The following ACAP1 variants were observed in gnomAD, a reference collection of about 807,000 sequenced individuals.
ACAP1 encodes the protein ArfGAP with coiled-coil, ankyrin repeat and PH domains 1, also known as arf-GAP with coiled-coil, ANK repeat and PH domain-containing protein 1.
In ACAP1, 45 loss-of-function variants were observed where a neutral mutation model predicts 98.8. That is an observed-to-expected ratio of 0.46 (90% CI 0.36 to 0.58). ACAP1 has a LOEUF of 0.58. Among genes scored for constraint, ACAP1 ranks in the 20% least tolerant of loss-of-function variants. The pLI is 0.00. For synonymous variants in ACAP1, 362 were observed against 375.3 expected, an observed-to-expected ratio of 0.96 and a Z score of 0.41; for missense variants, 735 against 971.4, an observed-to-expected ratio of 0.76 and a Z score of 3.24.
At chr17:7,347,309 G>A (rs938757050) in intron 14 of ACAP1, 67 bp downstream of exon 14, 34 of 1,389,906 alleles carry the variant, frequency 2.4e-5, no homozygotes, top group African/African-American at 1.1e-4. Flanking sequence ...AATACAGAGC[G>A]CATCACACCG....
chr17:7,338,397 G>T (rs764694477), intron 2 of ACAP1, among the ~76,000 whole-genome samples: 4 of 151,924 alleles, frequency 2.6e-5, no homozygotes, highest in Non-Finnish European at 5.9e-5. Flanking sequence ...GGGATTACAG[G>T]TGTGCACCAC....
chr17:7,350,560 G>C lies in ACAP1; in HGVS notation c.2072+323G>C, dbSNP rs1299243551. On this transcript the variant is annotated intron_variant, in intron 20 of 21. Coordinates refer to ENST00000158762, the MANE Select transcript of ACAP1 (RefSeq NM_014716.4). The surrounding 1 kb of genome is among the most constrained non-coding windows in gnomAD (Gnocchi z 4.6). ...CCCCGGGGGTGGGGGCAGATGAACGGAACGCAACCCAGCTCAAAGGATGGG... is the reference window on the plus strand; with the variant it reads ...CCCCGGGGGTGGGGGCAGATGAACGCAACGCAACCCAGCTCAAAGGATGGG... 1 of 457,572 alleles carries C rather than the reference G, an allele frequency of 2.2e-6. No homozygotes were observed. Among genetic ancestry groups the C allele is most frequent in the East Asian group, 4.2e-5 (1 of 23,928 alleles). The allele number at this position is 457,572 out of a possible 1,614,324, so 28.3% of individuals were successfully genotyped here. A position where few individuals can be genotyped will look rare whatever the true frequency, so the allele number is the denominator to read the frequency against.
chr17:7,347,853 GAGC>G (rs1237965206), intron 14 of ACAP1, 66 bp from the exon 15 acceptor site: 5 of 1,381,488 alleles, frequency 3.6e-6, no homozygotes, highest in Non-Finnish European at 3.1e-6. Context: ...GTGTCTTCAG[GAGC>G]AGCAGCAGCT....
chr17:7,344,677 G>C lies in ACAP1; in HGVS notation c.854+29G>C. On this transcript the variant is annotated intron_variant, in intron 10 of 21. Coordinates refer to ENST00000158762, the MANE Select transcript of ACAP1 (RefSeq NM_014716.4). This position sits in a 1 kb window ranked among gnomAD's most constrained non-coding sequence, Gnocchi z 4.9. ...AGGAGAGGACACCCCCAATCAGCCC[G>C]CCCCACCCAATGATGTATTTTCGAG... The C allele has an allele frequency of 1.3e-6, 2 of 1,489,398 alleles. No homozygotes were observed. Among genetic ancestry groups the C allele is most frequent in the Non-Finnish European group, 1.8e-6 (2 of 1,090,732 alleles). The allele number at this position is 1,489,398 out of a possible 1,614,324, so 92.3% of individuals were successfully genotyped here. A position where few individuals can be genotyped will look rare whatever the true frequency, so the allele number is the denominator to read the frequency against.
Position 7,348,429 on chromosome 17 carries a change from A to G in ACAP1, c.1632A>G (p.Pro544=). Residue 544 remains proline (P), a synonymous_variant, in exon 17 of 22, where the codon CCA becomes CCG. Coordinates refer to ENST00000158762, the MANE Select transcript of ACAP1 (RefSeq NM_014716.4). ...CAAGGGGGCAGCCTCCTGTGCCCCC[A>G]AAGCCTTCCATCAGGCCCCGGCCAG... is the stretch of plus-strand genomic sequence containing the variant. The part of the protein sequence containing the change: ...GRPRGQPPVP[P]KPSIRPRPGS... 6.6e-7 allele frequency: 1 copy of G among 1,508,848 alleles called. No individual in the cohort carries two copies. Among genetic ancestry groups the G allele is most frequent in the Non-Finnish European group, 8.8e-7 (1 of 1,130,432 alleles). The allele number at this position is 1,508,848 out of a possible 1,614,324, so 93.5% of individuals were successfully genotyped here.
Position 7,343,623 on chromosome 17 carries a change from G to A in ACAP1, c.528+61G>A. ...GCCTCAAGTGTCACCTCGAGGCTTGGGGGTCTCCAGTGTGCAGTGGGAAGG... is the reference window on the plus strand; with the variant it reads ...GCCTCAAGTGTCACCTCGAGGCTTGAGGGTCTCCAGTGTGCAGTGGGAAGG... On this transcript the variant is annotated intron_variant, in intron 6 of 21. Transcript: ENST00000158762. This position sits in a 1 kb window ranked among gnomAD's most constrained non-coding sequence, Gnocchi z 4.9. 1 of 1,594,782 alleles carries A rather than the reference G, an allele frequency of 6.3e-7. No homozygotes were observed. Among genetic ancestry groups the A allele is most frequent in the South Asian group, 1.1e-5 (1 of 88,554 alleles).
intron 2 of ACAP1, among the ~76,000 whole-genome samples, chr17:7,337,880 T>C (rs1246873373): frequency 6.6e-6 from 1 of 151,618 alleles, no homozygotes; most frequent in East Asian, 2.0e-4. Context: ...AATTTTGGAC[T>C]TCCTTGTTCT....
Position 7,350,384 on chromosome 17 carries a change from G to C in ACAP1, c.2072+147G>C. 1.5e-6 allele frequency: 1 copy of C among 670,886 alleles called. No individual in the cohort carries two copies. 41.6% of individuals were successfully genotyped at this position (670,886 alleles called of 1,614,324 possible). ...GGGGCTGGGCCAGCGCCGGGGCCAG[G>C]CTCGAGAAAGGCTGCGCGAAGTGTG... is the stretch of plus-strand genomic sequence containing the variant. On this transcript the variant is annotated intron_variant, in intron 20 of 21. Transcript: ENST00000158762. This position sits in a 1 kb window ranked among gnomAD's most constrained non-coding sequence, Gnocchi z 4.6.
At position 7,341,999 on chromosome 17, in the gene ACAP1, G is replaced by T. The variant is rs771298647; in HGVS notation, c.163G>T (p.Ala55Ser). The change falls in exon 3 of 22, where the codon GCC becomes TCC. Residue 55 changes from alanine to serine, a missense_variant. By Grantham distance (99) the Ala-to-Ser change is moderately conservative. Coordinates refer to ENST00000158762, the MANE Select transcript of ACAP1 (RefSeq NM_014716.4). ...LLESGRHYLAASRAFVVGICD... is the reference protein window; with the variant it reads ...LLESGRHYLASSRAFVVGICD... Reference sequence around the variant, plus strand: ...GGAAAGTGGGCGCCATTACCTTGCTGCCAGCCGCGCCTTCGTTGTCGGCAT... The same window carrying T: ...GGAAAGTGGGCGCCATTACCTTGCTTCCAGCCGCGCCTTCGTTGTCGGCAT... The T allele has an allele frequency of 1.9e-6, 3 of 1,614,052 alleles. No individual in the cohort carries two copies. The highest frequency in any genetic ancestry group is 4.5e-5 in the East Asian group (2 of 44,878).
At chr17:7,342,124 G>T in intron 3 of ACAP1, 57 bp downstream of exon 3, 1 of 1,609,270 alleles carries the variant, frequency 6.2e-7, no homozygotes. Context: ...AGGTGATGCT[G>T]TGGAAGAGGA....
intron 2 of ACAP1, among the ~76,000 whole-genome samples, chr17:7,337,853 C>CA (rs575781344): frequency 1.6e-3 from 230 of 143,886 alleles, no homozygotes; most frequent in African/African-American, 3.8e-3. Flanking sequence ...GACTCTGTGT[C>CA]AAAAAAAAAA....
chr17:7,350,636 T>C lies in ACAP1; in HGVS notation c.2073-314T>C, dbSNP rs1451214373. 2.8e-6 allele frequency: 1 copy of C among 362,736 alleles called. No individual in the cohort carries two copies. The highest frequency in any genetic ancestry group is 5.0e-6 in the Non-Finnish European group (1 of 200,816). 22.5% of individuals were successfully genotyped at this position (362,736 alleles called of 1,614,324 possible). A position where few individuals can be genotyped will look rare whatever the true frequency, so the allele number is the denominator to read the frequency against. On this transcript the variant is annotated intron_variant, in intron 20 of 21. Transcript: ENST00000158762. This position sits in a 1 kb window ranked among gnomAD's most constrained non-coding sequence, Gnocchi z 4.6. ...CTTTTTTTTTTTTTTTGAGACGGAG[T>C]CTCACTCTGTCGCCCAGGCTAGAGT...
chr17:7,336,918 A>C (rs1229387639), intron 1 of ACAP1, 131 bp downstream of exon 1: 3 of 938,290 alleles, frequency 3.2e-6, no homozygotes, highest in African/African-American at 3.3e-5. Flanking sequence ...CCTGTGGGCC[A>C]AAGTGGTACC....
intron 10 of ACAP1, chr17:7,346,039 G>T: frequency 3.4e-6 from 2 of 585,484 alleles, no homozygotes; most frequent in Non-Finnish European, 6.1e-6. Context: ...ATAACTATAT[G>T]AAATCTGGGT....
At chr17:7,346,560 A>G in intron 12 of ACAP1, 69 bp downstream of exon 12, 1 of 1,383,784 alleles carries the variant, frequency 7.2e-7, no homozygotes, top group Non-Finnish European at 9.9e-7. Flanking sequence ...GGCAGGGCCC[A>G]CCACAATGGA....
At chr17:7,349,217 C>T in intron 18 of ACAP1, 50 bp downstream of exon 18, 2 of 1,597,768 alleles carry the variant, frequency 1.3e-6, no homozygotes, top group Non-Finnish European at 8.5e-7. Flanking sequence ...CTGACACCTA[C>T]TCCTGACTCT....
chr17:7,344,424 T>G lies in ACAP1; in HGVS notation c.745-115T>G, dbSNP rs1307271935. 1.2e-6 allele frequency: 1 copy of G among 803,566 alleles called. No individual in the cohort carries two copies. Among genetic ancestry groups the G allele is most frequent in the African/African-American group, 1.8e-5 (1 of 57,104 alleles). 49.8% of individuals were successfully genotyped at this position (803,566 alleles called of 1,614,324 possible). ...AGACCCTGTCTCTAAAAATAAATTT[T>G]AAAAAGTATTTCAAAAAGCAGAAAG... On this transcript the variant is annotated intron_variant, in intron 9 of 21. Coordinates refer to ENST00000158762, the MANE Select transcript of ACAP1 (RefSeq NM_014716.4). This position sits in a 1 kb window ranked among gnomAD's most constrained non-coding sequence, Gnocchi z 4.9.
At chr17:7,339,269 G>A (rs998267810) in intron 2 of ACAP1, among the ~76,000 whole-genome samples, 3 of 149,292 alleles carry the variant, frequency 2.0e-5, no homozygotes, top group Admixed American at 1.3e-4. Flanking sequence ...CAGCCTGGGC[G>A]ACAGAGTGAG....
chr17:7,347,446 G>C (rs1380572050), intron 14 of ACAP1: 1 of 569,012 alleles, frequency 1.8e-6, no homozygotes, highest in Non-Finnish European at 3.0e-6. Flanking sequence ...CTGTGTCCTA[G>C]TCTGGCCAGA....
Sources: gnomAD v4.1 joint callset for allele counts (sites outside exome capture counted in the v4.1 genomes callset) on GRCh38, gnomAD v4.1.1 for gene constraint, Gnocchi (gnomAD v3.1) non-coding constraint, MANE v1.5 for transcripts, NCBI Gene and HGNC (gene_info 2026-07-23, HGNC 2026-07-21) for gene names.